HS6ST3: variants seen among roughly 807,000 people sequenced by gnomAD.
HS6ST3 encodes heparan sulfate 6-O-sulfotransferase 3, also known as heparan-sulfate 6-O-sulfotransferase 3.
In HS6ST3, 12 loss-of-function variants were observed where a neutral mutation model predicts 36.7. That is an observed-to-expected ratio of 0.33 (90% confidence interval 0.21 to 0.53). HS6ST3 has a LOEUF of 0.53. Ranked by LOEUF, HS6ST3 falls within the 20% of genes least tolerant of loss-of-function variation. HS6ST3 has a pLI of 0.95. For missense variants in HS6ST3, 584 were observed against 640.9 expected, an observed-to-expected ratio of 0.91 and a Z score of 0.96; for synonymous variants, 240 against 257.5, an observed-to-expected ratio of 0.93 and a Z score of 0.65.
At position 96,268,344 on chromosome 13, in the gene HS6ST3, C is replaced by T. The variant is rs556372105; in HGVS notation, c.707+176775C>T. 1.2e-4 allele frequency among the ~76,000 whole-genome samples: 18 copies of T among 152,050 alleles called. No individual in the cohort carries two copies. The South Asian group carries it at 2.5e-3, about 21-fold the overall frequency. On this transcript the variant is annotated intron_variant, in intron 1 of 1. Coordinates refer to ENST00000376705, the MANE Select transcript of HS6ST3 (RefSeq NM_153456.4). ...TCACGGCAGGGGAAGCAAACATGTC[C>T]TTCACATGGCGGCAGCAGGGAGAAG...
chr13:96,154,282 A>G (rs184423196), intron 1 of HS6ST3, among the ~76,000 whole-genome samples: 1 of 152,280 alleles, frequency 6.6e-6, no homozygotes, highest in African/African-American at 2.4e-5. Flanking sequence ...GATAGGGAAT[A>G]AGATAATTAA....
At chr13:96,297,069 A>G (rs368524936) in intron 1 of HS6ST3, among the ~76,000 whole-genome samples, 10 of 152,222 alleles carry the variant, frequency 6.6e-5, no homozygotes, top group African/African-American at 2.4e-4. Flanking sequence ...GGCTTGCTAT[A>G]TTACAGACTC....
intron 1 of HS6ST3, among the ~76,000 whole-genome samples, chr13:96,202,906 G>C (rs2054350071): frequency 6.6e-6 from 1 of 152,122 alleles, no homozygotes; most frequent in Non-Finnish European, 1.5e-5. Context: ...GATGAACTTA[G>C]GGAGGCAAAT....
At chr13:96,546,978 G>A (rs984135137) in intron 1 of HS6ST3, among the ~76,000 whole-genome samples, 1 of 152,104 alleles carries the variant, frequency 6.6e-6, no homozygotes, top group Non-Finnish European at 1.5e-5. Flanking sequence ...TATGGTCTGG[G>A]TAGCCCACCC....
At chr13:96,663,891 T>C (rs1033478500) in intron 1 of HS6ST3, among the ~76,000 whole-genome samples, 1 of 152,150 alleles carries the variant, frequency 6.6e-6, no homozygotes, top group Non-Finnish European at 1.5e-5. Flanking sequence ...CAAATCTCTA[T>C]ATTGTATGAT....
chr13:96,477,870 C>G (rs1005271053), intron 1 of HS6ST3, among the ~76,000 whole-genome samples: 1 of 151,216 alleles, frequency 6.6e-6, no homozygotes, highest in Non-Finnish European at 1.5e-5. Flanking sequence ...GAGACTCCAT[C>G]TCAAAAATAA....
At chr13:96,470,387 A>G (rs779333197) in intron 1 of HS6ST3, among the ~76,000 whole-genome samples, 2 of 152,114 alleles carry the variant, frequency 1.3e-5, no homozygotes, top group Non-Finnish European at 2.9e-5. Context: ...TTTAGTTTAA[A>G]TTTGCATATT....
At chr13:96,216,219 A>G (rs776668975) in intron 1 of HS6ST3, among the ~76,000 whole-genome samples, 2 of 152,236 alleles carry the variant, frequency 1.3e-5, no homozygotes, top group East Asian at 1.9e-4. Context: ...TGGTCAATCA[A>G]TGCTGACATT....
chr13:96,169,572 C>T (rs1269847208), intron 1 of HS6ST3: 1 of 152,392 alleles, frequency 6.6e-6, no homozygotes, highest in Non-Finnish European at 1.5e-5. Flanking sequence ...GAGCCAGGCA[C>T]CTGTAGTCTC....
intron 1 of HS6ST3, among the ~76,000 whole-genome samples, chr13:96,614,500 G>A (rs753186764): frequency 5.3e-5 from 8 of 151,854 alleles, no homozygotes; most frequent in Non-Finnish European, 7.4e-5. Flanking sequence ...GGTGTTGGTG[G>A]GGATGGTGGG....
chr13:96,142,958 T>C (rs1467147925), intron 1 of HS6ST3, among the ~76,000 whole-genome samples: 2 of 152,140 alleles, frequency 1.3e-5, no homozygotes, highest in South Asian at 2.1e-4. Flanking sequence ...CTTAATTGTA[T>C]TTAAAAATAA....
At chr13:96,358,873 T>TA (rs773245853) in intron 1 of HS6ST3, among the ~76,000 whole-genome samples, 42 of 60,896 alleles carry the variant, frequency 6.9e-4, no homozygotes, top group Middle Eastern at 7.0e-3. Flanking sequence ...ATATATAATC[T>TA]ATCTATCTAT....
At chr13:96,551,697 T>C (rs934983565) in intron 1 of HS6ST3, among the ~76,000 whole-genome samples, 5 of 152,220 alleles carry the variant, frequency 3.3e-5, no homozygotes, top group African/African-American at 1.2e-4. Flanking sequence ...GGGATTTAAC[T>C]GTAAATGTTT....
intron 1 of HS6ST3, among the ~76,000 whole-genome samples, chr13:96,831,587 A>C (rs926201523): frequency 6.6e-6 from 1 of 152,126 alleles, no homozygotes; most frequent in African/African-American, 2.4e-5. Context: ...GGCACCCAGT[A>C]AATCCTAGTC....
At chr13:96,392,792 C>G (rs918807275) in intron 1 of HS6ST3, among the ~76,000 whole-genome samples, 4 of 152,170 alleles carry the variant, frequency 2.6e-5, no homozygotes, top group Non-Finnish European at 5.9e-5. Flanking sequence ...CCCTCAGGGC[C>G]TCAAAGGCCA....
chr13:96,565,922 T>A (rs909701925), intron 1 of HS6ST3, among the ~76,000 whole-genome samples: 22 of 151,956 alleles, frequency 1.4e-4, no homozygotes, highest in African/African-American at 5.1e-4. Context: ...ATCAGAAATA[T>A]ACAGACAGAG....
chr13:96,145,666 C>G (rs1210823065), intron 1 of HS6ST3, among the ~76,000 whole-genome samples: 2 of 152,080 alleles, frequency 1.3e-5, no homozygotes, highest in Admixed American at 6.5e-5. Context: ...AATTAGATCC[C>G]ATTTGTCAAT....
At chr13:96,346,586 TA>T (rs2055156783) in intron 1 of HS6ST3, among the ~76,000 whole-genome samples, 1 of 141,302 alleles carries the variant, frequency 7.1e-6, no homozygotes, top group Admixed American at 6.9e-5. Context: ...AAAAAAATAA[TA>T]ATAATAATAA....
At chr13:96,320,469 A>G (rs1566323290) in intron 1 of HS6ST3, among the ~76,000 whole-genome samples, 1 of 152,226 alleles carries the variant, frequency 6.6e-6, no homozygotes, top group African/African-American at 2.4e-5. Flanking sequence ...GTACATAAGC[A>G]GTGTTGTTAT....
Sources: allele counts gnomAD v4.1 joint callset (sites outside exome capture counted in the v4.1 genomes callset), GRCh38; gene constraint gnomAD v4.1.1; transcripts MANE v1.5; gene names NCBI Gene and HGNC (gene_info 2026-07-23, HGNC 2026-07-21).